VDR: variants seen among roughly 807,000 people sequenced by gnomAD.
The protein encoded by VDR is vitamin D receptor.
VDR carries 19 observed loss-of-function variants against 39.7 expected under a neutral mutation model. The observed-to-expected ratio is 0.48, with a 90% CI of 0.33 to 0.70. VDR has a LOEUF of 0.70. Ranked by LOEUF, VDR falls within the 30% of genes least tolerant of loss-of-function variation. The pLI is 0.02. For missense variants in VDR, 442 were observed against 570.5 expected (o/e 0.77, Z 2.29); for synonymous variants, 242 against 215.8 (o/e 1.12, Z -1.07).
intron 1 of VDR, among the ~76,000 whole-genome samples, chr12:47,893,195 G>A (rs561279955): frequency 6.6e-5 from 10 of 152,292 alleles, no homozygotes; most frequent in African/African-American, 2.4e-4. Flanking sequence ...AAACTGAAGA[G>A]TTTCAGACCC....
At chr12:47,872,691 T>C (rs1185456356) in intron 3 of VDR, among the ~76,000 whole-genome samples, 2 of 152,220 alleles carry the variant, frequency 1.3e-5, no homozygotes, top group Non-Finnish European at 2.9e-5. Context: ...TCATACCTGA[T>C]ATTTAACTCC....
intron 7 of VDR, among the ~76,000 whole-genome samples, chr12:47,850,170 A>G (rs1945357830): frequency 6.6e-6 from 1 of 152,078 alleles, no homozygotes; most frequent in African/African-American, 2.4e-5. Flanking sequence ...TCTTTTTTCT[A>G]TGCAAATATA....
At chr12:47,872,467 G>T (rs555850363) in intron 3 of VDR, among the ~76,000 whole-genome samples, 1 of 152,312 alleles carries the variant, frequency 6.6e-6, no homozygotes, top group Non-Finnish European at 1.5e-5. Context: ...CATGTCTTAG[G>T]CCTGCTCTCT....
intron 1 of VDR, among the ~76,000 whole-genome samples, chr12:47,883,220 GGAA>G (rs1946193408): frequency 6.6e-6 from 1 of 152,178 alleles, no homozygotes; most frequent in Admixed American, 6.5e-5. Context: ...GCTAAGAGCG[GGAA>G]GACGGCTGCC....
chr12:47,855,919 A>G (rs1945479226), intron 6 of VDR, 118 bp from the exon 7 acceptor site: 1 of 1,201,650 alleles, frequency 8.3e-7, no homozygotes, highest in Non-Finnish European at 1.2e-6. Flanking sequence ...GGAATCCCAC[A>G]GTGACTCCAC....
chr12:47,863,544 G>A (rs546944435), intron 4 of VDR, among the ~76,000 whole-genome samples: 1 of 152,188 alleles, frequency 6.6e-6, no homozygotes. Flanking sequence ...CCACCCTAAC[G>A]CCTCACCCTG....
At position 47,865,149 on chromosome 12, in the gene VDR, T is replaced by A; in HGVS notation, c.175A>T (p.Thr59Ser). The change falls in exon 4 of 10, where the codon ACC (threonine) becomes TCC (serine). Residue 59 changes from threonine to serine, a missense_variant. By Grantham distance (58) the Thr-to-Ser change is moderately conservative (BLOSUM62 1). Coordinates refer to ENST00000549336, the MANE Select transcript of VDR (RefSeq NM_000376.3). ...RRSMKRKALF[T>S]CPFNGDCRIT... is the part of the protein sequence containing the mutation. ...CGGCAGTCCCCGTTGAAGGGGCAGGTGAATAGTGCCTTCCGCTTCATGCTT... is the reference window on the plus strand; with the variant it reads ...CGGCAGTCCCCGTTGAAGGGGCAGGAGAATAGTGCCTTCCGCTTCATGCTT... The A allele has an allele frequency of 6.2e-7, 1 of 1,613,166 alleles. No homozygotes were observed.
chr12:47,877,831 G>A (rs1946039335), intron 3 of VDR, among the ~76,000 whole-genome samples: 2 of 152,174 alleles, frequency 1.3e-5, no homozygotes, highest in Admixed American at 6.5e-5. Context: ...AGGCTGCCGG[G>A]AAGCCAAGCG....
intron 2 of VDR, among the ~76,000 whole-genome samples, chr12:47,881,934 T>C (rs1946158128): frequency 6.6e-6 from 1 of 152,202 alleles, no homozygotes; most frequent in Admixed American, 6.5e-5. Context: ...ATCGTGGTGT[T>C]GCTACAGAGT....
chr12:47,867,380 A>C (rs1471985264), intron 3 of VDR, among the ~76,000 whole-genome samples: 2 of 150,704 alleles, frequency 1.3e-5, no homozygotes, highest in Non-Finnish European at 3.0e-5. Flanking sequence ...AAAGAAAAAG[A>C]AAAGTGGCAC....
In VDR at chr12:47,903,511, T is replaced by C. The variant is rs11574018; in HGVS notation, c.-84+1444A>G. 1.1e-3 allele frequency among the ~76,000 whole-genome samples: 174 copies of C among 152,276 alleles called. 3 individuals carry two copies. The East Asian group carries it at 0.024, about 21-fold the overall frequency. ...AAAGACTCACAGTTCCCTCCAGCAC[T>C]TGGACAGGGAAGGGACGGCAGGTCT... On this transcript the variant is annotated intron_variant, in intron 1 of 9. Transcript: ENST00000549336.
intron 3 of VDR, among the ~76,000 whole-genome samples, chr12:47,868,915 G>A (rs927344302): frequency 1.8e-4 from 27 of 152,188 alleles, no homozygotes; most frequent in African/African-American, 6.3e-4. Flanking sequence ...CACATCGTCA[G>A]CCTAGCCCAG....
intron 3 of VDR, among the ~76,000 whole-genome samples, chr12:47,877,950 G>A (rs951248172): frequency 6.6e-6 from 1 of 152,202 alleles, no homozygotes; most frequent in Admixed American, 6.5e-5. Context: ...GAGGCAGAGG[G>A]CAGGTGAATC....
At chr12:47,893,464 GA>G (rs36108348) in intron 1 of VDR, among the ~76,000 whole-genome samples, 147 of 146,722 alleles carry the variant, frequency 1.0e-3, no homozygotes, top group African/African-American at 3.5e-3. Context: ...TAGCTGAATA[GA>G]AAAAAAAAAG....
At chr12:47,884,295 C>T (rs925843846) in intron 1 of VDR, among the ~76,000 whole-genome samples, 1 of 152,224 alleles carries the variant, frequency 6.6e-6, no homozygotes, top group African/African-American at 2.4e-5. Flanking sequence ...GCCTGCTAAG[C>T]TCTGCATACA....
chr12:47,859,325 C>G (rs889456821), intron 4 of VDR, among the ~76,000 whole-genome samples: 1 of 152,182 alleles, frequency 6.6e-6, no homozygotes, highest in African/African-American at 2.4e-5. Context: ...TTCTCGGCCC[C>G]TACTGATGAC....
chr12:47,902,419 C>T (rs935687883), intron 1 of VDR, among the ~76,000 whole-genome samples: 2 of 152,162 alleles, frequency 1.3e-5, no homozygotes, highest in African/African-American at 4.8e-5. Context: ...GAACTGCTGC[C>T]CACCCTGGGG....
At chr12:47,851,509 C>T (rs933276403) in intron 7 of VDR, among the ~76,000 whole-genome samples, 2 of 152,188 alleles carry the variant, frequency 1.3e-5, no homozygotes, top group East Asian at 3.8e-4. Flanking sequence ...ATCCTGCCTT[C>T]CCCACACCCT....
chr12:47,862,797 A>C (rs1395338228), intron 4 of VDR, among the ~76,000 whole-genome samples: 2 of 152,250 alleles, frequency 1.3e-5, no homozygotes, highest in African/African-American at 4.8e-5. Flanking sequence ...GGGGGACTTC[A>C]CACTGGTGAG....
Sources: gnomAD v4.1 joint callset for allele counts (sites outside exome capture counted in the v4.1 genomes callset) on GRCh38, gnomAD v4.1.1 for gene constraint, MANE v1.5 for transcripts, NCBI Gene and HGNC (gene_info 2026-07-23, HGNC 2026-07-21) for gene names.